The following KCNH1 variants were observed in gnomAD, a reference collection of about 807,000 sequenced individuals.
KCNH1 encodes potassium voltage-gated channel subfamily H member 1.
KCNH1 carries 27 observed loss-of-function variants against 69.2 expected under a neutral mutation model. The ratio of observed to expected loss-of-function variants is 0.39; its 90% CI spans 0.29 to 0.54. The LOEUF is 0.54. Ranked by LOEUF, KCNH1 falls within the 20% of genes least tolerant of loss-of-function variation. The pLI, the probability that KCNH1 is intolerant of heterozygous loss-of-function variation, is 0.68. For missense variants in KCNH1, 798 were observed against 1,261.6 expected (o/e 0.63, Z 5.57); for synonymous variants, 456 against 487.7 (o/e 0.93, Z 0.86).
intron 3 of KCNH1, among the ~76,000 whole-genome samples, chr1:211,102,426 C>T (rs1022094711): frequency 6.6e-6 from 1 of 152,156 alleles, no homozygotes; most frequent in Admixed American, 6.5e-5. Context: ...CGTTCCTCTC[C>T]TAGCTAATAG....
chr1:211,078,231 A>C (rs768073124), intron 5 of KCNH1, among the ~76,000 whole-genome samples: 4 of 152,198 alleles, frequency 2.6e-5, no homozygotes, highest in Non-Finnish European at 4.4e-5. Context: ...GTTAACAAGG[A>C]TATTCAGGAC....
chr1:211,009,219 A>C (rs1689348709), intron 6 of KCNH1, among the ~76,000 whole-genome samples: 1 of 152,228 alleles, frequency 6.6e-6, no homozygotes, highest in Non-Finnish European at 1.5e-5. Context: ...TCTGACCATT[A>C]GATTTGGCTA....
At chr1:210,685,835 C>T (rs1287636650) in intron 10 of KCNH1, among the ~76,000 whole-genome samples, 1 of 152,218 alleles carries the variant, frequency 6.6e-6, no homozygotes, top group Non-Finnish European at 1.5e-5. Flanking sequence ...GTGCCCAACA[C>T]AGAGAAGCCA....
intron 10 of KCNH1, among the ~76,000 whole-genome samples, chr1:210,685,714 C>T (rs537167263): frequency 7.6e-6 from 1 of 131,216 alleles, no homozygotes; most frequent in Non-Finnish European, 1.8e-5. Context: ...TGACCTTTCA[C>T]AGCCCCCAGA....
chr1:211,078,937 AG>A (rs1213573682), intron 5 of KCNH1, among the ~76,000 whole-genome samples: 2 of 146,380 alleles, frequency 1.4e-5, no homozygotes, highest in African/African-American at 5.0e-5. Context: ...AAAAAAAAAA[AG>A]AAAGAAAGAA....
intron 7 of KCNH1, among the ~76,000 whole-genome samples, chr1:210,901,817 A>G (rs1687000775): frequency 6.6e-6 from 1 of 152,204 alleles, no homozygotes; most frequent in Non-Finnish European, 1.5e-5. Context: ...TATTCCATTT[A>G]TCTGTTTTAT....
chr1:210,800,348 G>A (rs1289088493), intron 8 of KCNH1, among the ~76,000 whole-genome samples: 4 of 152,180 alleles, frequency 2.6e-5, no homozygotes, highest in East Asian at 3.9e-4. Context: ...GCACTCACAC[G>A]CCATGTCAAA....
intron 5 of KCNH1, among the ~76,000 whole-genome samples, chr1:211,031,273 T>C (rs1196587462): frequency 2.6e-5 from 4 of 152,010 alleles, no homozygotes; most frequent in Non-Finnish European, 2.9e-5. Context: ...CCAAAAAAAG[T>C]CCAGAACCAG....
chr1:211,105,395 T>C (rs899102943), intron 2 of KCNH1, among the ~76,000 whole-genome samples: 2 of 152,232 alleles, frequency 1.3e-5, no homozygotes, highest in Non-Finnish European at 2.9e-5. Context: ...ACTATAATTA[T>C]ACCTAGTTTT....
intron 10 of KCNH1, among the ~76,000 whole-genome samples, chr1:210,717,925 AG>A (rs1159718207): frequency 6.6e-6 from 1 of 152,044 alleles, no homozygotes; most frequent in Non-Finnish European, 1.5e-5. Flanking sequence ...TGGCCAACAT[AG>A]TGAAACCCCA....
In KCNH1 at chr1:211,090,526, G is replaced by A. The variant is rs759004076; in HGVS notation, c.439+36C>T. 3 of 1,557,180 alleles carry A rather than the reference G, an allele frequency of 1.9e-6. No individual in the cohort carries two copies. In the East Asian group the frequency reaches 6.8e-5, roughly 35 times the overall value. On this transcript the variant is annotated intron_variant, in intron 4 of 10. Coordinates refer to ENST00000271751, the MANE Select transcript of KCNH1 (RefSeq NM_172362.3). ...CAAGAGCCACAATAAAGACAAAAAA[G>A]GCATAAATGTATTTGTACAAGTCAG...
In KCNH1 at chr1:210,864,387, A is replaced by G. The variant is rs143505367; in HGVS notation, c.1462+55253T>C. On this transcript the variant is annotated intron_variant, in intron 7 of 10. Transcript: ENST00000271751. The stretch of plus-strand genomic sequence containing the variant: ...CCCCCTACTATGCTCCTTCAAGAAC[A>G]GTGTTGGTAGTAAGAGATTATCACC... Among the ~76,000 whole-genome samples, 548 of 152,298 alleles carry G rather than the reference A, an allele frequency of 3.6e-3. 4 individuals are homozygous for G. Among genetic ancestry groups the G allele is most frequent in the African/African-American group, 0.013 (528 of 41,564 alleles).
chr1:210,946,286 A>G (rs771197604), intron 6 of KCNH1, among the ~76,000 whole-genome samples: 7 of 152,138 alleles, frequency 4.6e-5, no homozygotes, highest in Non-Finnish European at 7.3e-5. Context: ...AAACAGCCCC[A>G]GGATACCCAG....
chr1:210,693,228 T>C (rs1681561764), intron 10 of KCNH1, among the ~76,000 whole-genome samples: 1 of 152,190 alleles, frequency 6.6e-6, no homozygotes, highest in Admixed American at 6.5e-5. Context: ...TGAAATAACA[T>C]GAGAGAAGCC....
intron 6 of KCNH1, among the ~76,000 whole-genome samples, chr1:210,979,349 C>G (rs1246733877): frequency 1.3e-5 from 2 of 152,184 alleles, no homozygotes; most frequent in African/African-American, 4.8e-5. Flanking sequence ...GTTTCTAGAA[C>G]ACTGAAATTG....
rs189929399 is a variant in KCNH1 at position 210,930,430 on chromosome 1, G to A, written c.1033-10361C>T. The stretch of plus-strand genomic sequence containing the variant: ...TGACATAGCAAACAAAAAATAAAGT[G>A]GGGAAAAGACACTGATTCAACAAAT... On this transcript the variant is annotated intron_variant, in intron 6 of 10. Transcript: ENST00000271751. 2.0e-5 allele frequency among the ~76,000 whole-genome samples: 3 copies of A among 151,946 alleles called. No homozygotes were observed. The East Asian group carries it at 6.0e-4, about 31-fold the overall frequency.
At chr1:211,095,787 C>A (rs898112255) in intron 3 of KCNH1, among the ~76,000 whole-genome samples, 9 of 152,108 alleles carry the variant, frequency 5.9e-5, no homozygotes, top group African/African-American at 1.9e-4. Flanking sequence ...CTGGGGTCAA[C>A]TTTATGGAGA....
intron 7 of KCNH1, among the ~76,000 whole-genome samples, chr1:210,896,692 A>C (rs963908486): frequency 1.3e-5 from 2 of 152,182 alleles, no homozygotes; most frequent in Non-Finnish European, 2.9e-5. Context: ...AACTCAGCGG[A>C]AAGTTTAGCT....
chr1:210,975,629 C>A (rs1688593540), intron 6 of KCNH1, among the ~76,000 whole-genome samples: 1 of 152,146 alleles, frequency 6.6e-6, no homozygotes, highest in African/African-American at 2.4e-5. Flanking sequence ...ATATGTTAGA[C>A]CTAAAGCCAT....
Sources: gnomAD v4.1 joint callset for allele counts (sites outside exome capture counted in the v4.1 genomes callset) on GRCh38, gnomAD v4.1.1 for gene constraint, MANE v1.5 for transcripts, NCBI Gene and HGNC (gene_info 2026-07-23, HGNC 2026-07-21) for gene names.